The following SULF1 variants were observed in gnomAD, a reference collection of about 807,000 sequenced individuals.
SULF1 encodes sulfatase 1.
A neutral mutation model predicts 110.5 loss-of-function variants in SULF1; 46 were observed. The ratio of observed to expected loss-of-function variants is 0.42; its 90% CI spans 0.33 to 0.53. SULF1 has a LOEUF of 0.53. Among genes scored for constraint, SULF1 ranks in the 20% least tolerant of loss-of-function variants. The pLI is 0.12. For synonymous variants in SULF1, 371 were observed against 387.1 expected (o/e 0.96, Z 0.49); for missense variants, 941 against 1,094.2 (o/e 0.86, Z 1.98).
At chr8:69,532,527 A>G (rs1430764623) in intron 3 of SULF1, among the ~76,000 whole-genome samples, 1 of 152,210 alleles carries the variant, frequency 6.6e-6, no homozygotes, top group Non-Finnish European at 1.5e-5. Flanking sequence ...CTGCTCAAAC[A>G]CAGAAAGGAG....
intron 1 of SULF1, among the ~76,000 whole-genome samples, chr8:69,471,555 T>C (rs144586622): frequency 6.6e-6 from 1 of 152,314 alleles, no homozygotes; most frequent in East Asian, 1.9e-4. Flanking sequence ...AGAAATTACA[T>C]GTATTGGCTG....
chr8:69,542,417 G>T (rs183794061), intron 3 of SULF1, among the ~76,000 whole-genome samples: 16 of 152,188 alleles, frequency 1.1e-4, no homozygotes, highest in African/African-American at 3.9e-4. Context: ...TCCCCAGTGT[G>T]GTCATGATGG....
intron 1 of SULF1, among the ~76,000 whole-genome samples, chr8:69,481,708 C>T (rs944402013): frequency 3.3e-5 from 5 of 152,154 alleles, no homozygotes; most frequent in Non-Finnish European, 5.9e-5. Context: ...TAAGTGAGAA[C>T]ATGCGGTATT....
chr8:69,602,648 C>A (rs1241449028), intron 10 of SULF1, among the ~76,000 whole-genome samples: 1 of 152,166 alleles, frequency 6.6e-6, no homozygotes, highest in Non-Finnish European at 1.5e-5. Context: ...TGTGCTGCTG[C>A]ATCATACTAC....
At chr8:69,522,656 CAAAGA>C (rs1333548074) in intron 3 of SULF1, among the ~76,000 whole-genome samples, 1 of 152,090 alleles carries the variant, frequency 6.6e-6, no homozygotes, top group African/African-American at 2.4e-5. Context: ...ATTCAAAAGT[CAAAGA>C]GAAGAGGAGA....
At chr8:69,543,544 G>A (rs1279145345) in intron 3 of SULF1, among the ~76,000 whole-genome samples, 1 of 152,164 alleles carries the variant, frequency 6.6e-6, no homozygotes, top group Non-Finnish European at 1.5e-5. Flanking sequence ...CCCTGCAAAG[G>A]ACATGATCTT....
chr8:69,605,190 G>A (rs1808143703), intron 13 of SULF1, among the ~76,000 whole-genome samples: 1 of 152,184 alleles, frequency 6.6e-6, no homozygotes, highest in Admixed American at 6.5e-5. Flanking sequence ...AAAAGACACT[G>A]GTTTCCTCTG....
intron 1 of SULF1, among the ~76,000 whole-genome samples, chr8:69,470,288 C>A (rs1176071648): frequency 1.3e-5 from 2 of 152,050 alleles, no homozygotes. Context: ...GAGAAGGAGG[C>A]TCATGTATGA....
intron 3 of SULF1, among the ~76,000 whole-genome samples, chr8:69,559,931 T>G (rs1815365020): frequency 6.6e-6 from 1 of 152,234 alleles, no homozygotes; most frequent in Admixed American, 6.5e-5. Context: ...TATGTGAAGC[T>G]TCTATCATTC....
upstream of SULF1, among the ~76,000 whole-genome samples, chr8:69,489,779 T>C (rs187743812): frequency 6.6e-6 from 1 of 151,896 alleles, no homozygotes; most frequent in Non-Finnish European, 1.5e-5. Context: ...GGTTTCACCA[T>C]GTTAGCCAGG....
intron 3 of SULF1, among the ~76,000 whole-genome samples, chr8:69,506,218 A>G (rs1398766073): frequency 6.9e-6 from 1 of 145,744 alleles, no homozygotes; most frequent in East Asian, 2.0e-4. Flanking sequence ...TCTTTATAAG[A>G]GAGATAACAC....
At chr8:69,632,329 A>C (rs982502458) in intron 19 of SULF1, among the ~76,000 whole-genome samples, 1 of 152,140 alleles carries the variant, frequency 6.6e-6, no homozygotes, top group Non-Finnish European at 1.5e-5. Context: ...AAAAAAATGC[A>C]CCTTATATCA....
chr8:69,479,348 C>T (rs1809424610), intron 1 of SULF1, among the ~76,000 whole-genome samples: 1 of 152,160 alleles, frequency 6.6e-6, no homozygotes, highest in Non-Finnish European at 1.5e-5. Context: ...TGTCCACTAT[C>T]TGCCGCATAG....
intron 13 of SULF1, among the ~76,000 whole-genome samples, chr8:69,608,279 G>A (rs909150089): frequency 2.6e-5 from 4 of 152,192 alleles, no homozygotes; most frequent in African/African-American, 9.7e-5. Flanking sequence ...TACATGTAAT[G>A]TACTAAAGTG....
chr8:69,524,144 C>G (rs4592042), intron 3 of SULF1, among the ~76,000 whole-genome samples: 126,758 of 151,948 alleles, frequency 0.83, 53,124 homozygotes, highest in African/African-American at 0.92. Context: ...CAATAGAGAG[C>G]ATGGAGGGAG....
chr8:69,493,502 C>T (rs953487404), intron 1 of SULF1, among the ~76,000 whole-genome samples: 1 of 151,050 alleles, frequency 6.6e-6, no homozygotes, highest in African/African-American at 2.4e-5. Context: ...CCTTTTTGCC[C>T]TTAAGAGGAG....
At position 69,492,914 on chromosome 8, in the gene SULF1, C is replaced by A. The variant is rs1270592864; in HGVS notation, c.-602C>A. On this transcript the variant is annotated 5_prime_UTR_variant, in exon 1 of 23. Transcript: ENST00000402687. ...GGCGGCTTGATCGGCAACTAGGAAA[C>A]CCCAGGCGCAGAGGCCAGGAGCGAG... 8 of 152,720 alleles carry A rather than the reference C, an allele frequency of 5.2e-5. No homozygotes were observed. The highest frequency in any genetic ancestry group is 5.2e-4 in the Admixed American group (8 of 15,288). 9.5% of individuals were successfully genotyped at this position (152,720 alleles called of 1,614,324 possible).
intron 3 of SULF1, among the ~76,000 whole-genome samples, chr8:69,518,008 T>A (rs1812055489): frequency 1.3e-5 from 2 of 152,228 alleles, no homozygotes; most frequent in African/African-American, 4.8e-5. Flanking sequence ...ACATTGCATT[T>A]ATTAGGCTTT....
chr8:69,479,536 G>A (rs1280811441), intron 1 of SULF1, among the ~76,000 whole-genome samples: 1 of 152,120 alleles, frequency 6.6e-6, no homozygotes, highest in Non-Finnish European at 1.5e-5. Context: ...ATTGCACACT[G>A]TCAAAACTAC....
Sources: gnomAD v4.1 joint callset for allele counts (sites outside exome capture counted in the v4.1 genomes callset) on GRCh38, gnomAD v4.1.1 for gene constraint, MANE v1.5 for transcripts, NCBI Gene and HGNC (gene_info 2026-07-23, HGNC 2026-07-21) for gene names.